SNX19: variants seen among roughly 807,000 people sequenced by gnomAD.
SNX19 encodes the protein sorting nexin-19.
A neutral mutation model predicts 85.2 loss-of-function variants in SNX19; 60 were observed. That is an observed-to-expected ratio of 0.70 (90% CI 0.57 to 0.87). SNX19 has a LOEUF of 0.87. SNX19 is among the 40% of genes least tolerant of loss of function. The pLI is 0.00. For synonymous variants in SNX19, 520 were observed against 470.0 expected (o/e 1.11, Z -1.38); for missense variants, 1,201 against 1,217.8 (o/e 0.99, Z 0.21).
At chr11:130,882,348 G>A (rs1354299970) in intron 8 of SNX19, among the ~76,000 whole-genome samples, 1 of 152,188 alleles carries the variant, frequency 6.6e-6, no homozygotes. Flanking sequence ...CGAGTCACTT[G>A]TCACTCATCC....
rs769905312 is a variant in SNX19, at chr11:130,871,629, C to T, written c.*6793G>A. Among the ~76,000 whole-genome samples, 7 of 152,322 alleles carry T rather than the reference C, an allele frequency of 4.6e-5. No individual in the cohort carries two copies. The highest frequency in any genetic ancestry group is 7.3e-5 in the Non-Finnish European group (5 of 68,034). Reference sequence around the variant, plus strand: ...TCACAAGTCACCAAATCCAGTTCAACACAGTATAAACAAGCCATTGCTTCT... The same window carrying T: ...TCACAAGTCACCAAATCCAGTTCAATACAGTATAAACAAGCCATTGCTTCT... On this transcript the variant is annotated 3_prime_UTR_variant, in exon 11 of 11. Coordinates refer to ENST00000265909, the MANE Select transcript of SNX19 (RefSeq NM_014758.3).
rs550400913 is a variant in SNX19 at position 130,896,928 on chromosome 11, TA to T, written c.2573+6326del. 1.0e-4 allele frequency among the ~76,000 whole-genome samples: 9 copies of T among 89,256 alleles called. No individual in the cohort carries two copies. In the South Asian group the frequency reaches 5.7e-3, roughly 56 times the overall value. 58.6% of individuals were successfully genotyped at this position (89,256 alleles called of 152,430 possible). A position where few individuals can be genotyped will look rare whatever the true frequency, so the allele number is the denominator to read the frequency against. ...CCCACCAAGAAAGAGGCCCTTGAAG[TA>T]GAGTTCCACAGAAAGCGCCTTGATT... On this transcript the variant is annotated intron_variant, in intron 8 of 10. Coordinates refer to ENST00000265909, the MANE Select transcript of SNX19 (RefSeq NM_014758.3).
chr11:130,887,865 TC>T (rs1944198913), intron 8 of SNX19, among the ~76,000 whole-genome samples: 1 of 152,162 alleles, frequency 6.6e-6, no homozygotes, highest in Non-Finnish European at 1.5e-5. Flanking sequence ...CCTGGCTCCA[TC>T]CTCTGGGTGT....
At chr11:130,883,217 A>C (rs1330850628) in intron 8 of SNX19, among the ~76,000 whole-genome samples, 1 of 152,210 alleles carries the variant, frequency 6.6e-6, no homozygotes, top group Non-Finnish European at 1.5e-5. Flanking sequence ...TTGGGGAGAG[A>C]CATAAAAGTA....
intron 10 of SNX19, 146 bp downstream of exon 10, chr11:130,879,478 C>G (rs1943498080): frequency 1.5e-6 from 1 of 653,396 alleles, no homozygotes; most frequent in South Asian, 2.0e-5. Context: ...ATCTGGACGT[C>G]AAACTCTGTA....
rs1250441984 is a variant in SNX19 at position 130,915,170 on chromosome 11, G to C, written c.770C>G (p.Pro257Arg). 1 of 1,614,220 alleles carries C rather than the reference G, an allele frequency of 6.2e-7. No individual in the cohort carries two copies. ...CACGAGTACAAGGTGGATCCAGTCA[G>C]GATCTGACAGCCTGCTGATCAGTGG... ...ILPLISRLSD[P>R]DWIHLVLVGI... is the part of the protein sequence containing the mutation. Residue 257 changes from proline (P) to arginine (R), a missense_variant, in exon 1 of 11, where the codon CCT (proline) becomes CGT (arginine). Transcript: ENST00000265909.
chr11:130,915,509 C>T lies in SNX19; in HGVS notation c.431G>A (p.Arg144Lys). ...AMKGLVQELRRRMSVMDSHAV... is the reference protein window; with the variant it reads ...AMKGLVQELRKRMSVMDSHAV... ...ATGACTGTCCATCACGCTCATCCTTCTCCGAAGCTCCTGGACCAACCCTTT... is the reference window on the plus strand; with the variant it reads ...ATGACTGTCCATCACGCTCATCCTTTTCCGAAGCTCCTGGACCAACCCTTT... Residue 144 changes from arginine (R) to lysine (K), a missense_variant, in exon 1 of 11, where the codon AGA becomes AAA. Physicochemically the swap from Arg to Lys is conservative, Grantham distance 26. This residue lies in a region of SNX19 where 791 missense variants were observed against 750.9 expected (regional missense o/e 1.05). Coordinates refer to ENST00000265909, the MANE Select transcript of SNX19 (RefSeq NM_014758.3). 1.2e-6 allele frequency: 2 copies of T among 1,614,254 alleles called. No homozygotes were observed. The highest frequency in any genetic ancestry group is 1.3e-5 in the African/African-American group (1 of 75,072).
In SNX19 at chr11:130,906,001, C is replaced by T. The variant is rs533594428; in HGVS notation, c.2395G>A (p.Val799Met). The T allele has an allele frequency of 1.4e-5, 23 of 1,614,228 alleles. No individual in the cohort carries two copies. Among genetic ancestry groups the T allele is most frequent in the African/African-American group, 5.3e-5 (4 of 75,064 alleles). ...QPPKGRVDSC[V>M]SDAAVPAQDP... ...TGGGCTGGCACGGCTGCATCTGACA[C>T]GCAACTGTCCACACGTCCTTTGGGA... The change falls in exon 7 of 11, where the codon GTG becomes ATG. Residue 799 changes from valine (V) to methionine (M), a missense_variant. Transcript: ENST00000265909.
Position 130,915,994 on chromosome 11 carries a change from G to A in SNX19, c.-55C>T. The A allele has an allele frequency of 6.7e-7, 1 of 1,495,392 alleles. No homozygotes were observed. The highest frequency in any genetic ancestry group is 9.1e-7 in the Non-Finnish European group (1 of 1,097,304). The allele number at this position is 1,495,392 out of a possible 1,614,324, so 92.6% of individuals were successfully genotyped here. On this transcript the variant is annotated 5_prime_UTR_variant, in exon 1 of 11. Coordinates refer to ENST00000265909, the MANE Select transcript of SNX19 (RefSeq NM_014758.3). Reference sequence around the variant, plus strand: ...TGACAGCCCTCAAGATTTTACTTCAGAGTTAGGGAAGGGGGGCATGAACTG... The same window carrying A: ...TGACAGCCCTCAAGATTTTACTTCAAAGTTAGGGAAGGGGGGCATGAACTG...
intron 8 of SNX19, among the ~76,000 whole-genome samples, chr11:130,890,890 C>CTTTTTTTTTTTTT (rs10678203): frequency 7.0e-6 from 1 of 143,036 alleles, no homozygotes. Context: ...GGATTTGGGT[C>CTTTTTTTTTTTTT]TTTTTTTTTT....
intron 8 of SNX19, among the ~76,000 whole-genome samples, chr11:130,889,515 G>A (rs67649878): frequency 0.15 from 17,899 of 122,698 alleles, 1,168 homozygotes; most frequent in Middle Eastern, 0.25. Flanking sequence ...TGAATGAATC[G>A]ATCCTGTTGC....
At chr11:130,883,871 TCAC>T (rs906702097) in intron 8 of SNX19, among the ~76,000 whole-genome samples, 16 of 152,272 alleles carry the variant, frequency 1.1e-4, no homozygotes, top group Non-Finnish European at 2.1e-4. Flanking sequence ...ACCAAAAAAA[TCAC>T]CACCACAACT....
intron 8 of SNX19, among the ~76,000 whole-genome samples, chr11:130,885,968 T>C (rs1167468144): frequency 6.6e-6 from 1 of 152,214 alleles, no homozygotes; most frequent in Non-Finnish European, 1.5e-5. Context: ...CTGTGCATTA[T>C]AAAACATTCC....
At chr11:130,896,487 T>C (rs1284036016) in intron 8 of SNX19, among the ~76,000 whole-genome samples, 2 of 152,140 alleles carry the variant, frequency 1.3e-5, no homozygotes, top group African/African-American at 2.4e-5. Flanking sequence ...AGAGGCTAGA[T>C]GGGAATACGG....
rs1942849672 is a variant in SNX19 at position 130,868,106 on chromosome 11, C to T, written c.*10316G>A. ...TTAAACAGACACAATCTGGATGAGT[C>T]TCAAAGATAGTAAGAATCACCTGTT... On this transcript the variant is annotated 3_prime_UTR_variant, in exon 11 of 11. Transcript: ENST00000265909. The T allele has an allele frequency of 6.6e-6, 1 of 152,184 alleles. No individual in the cohort carries two copies. Among genetic ancestry groups the T allele is most frequent in the African/African-American group, 2.4e-5 (1 of 41,442 alleles). 9.4% of individuals were successfully genotyped at this position (152,184 alleles called of 1,614,324 possible). A position where few individuals can be genotyped will look rare whatever the true frequency, so the allele number is the denominator to read the frequency against.
rs146030730 is a variant in SNX19, at chr11:130,907,329, G to GACACAC, written c.2166-614_2166-609dup. On this transcript the variant is annotated intron_variant, in intron 5 of 10. Transcript: ENST00000265909. Reference sequence around the variant, plus strand: ...CATGAAACATAAGCACAGAGACAGAGACACACACACATACACACATGCTCT... The same window carrying GACACAC: ...CATGAAACATAAGCACAGAGACAGAGACACACACACACACACATACACACATGCTCT... 2.2e-3 allele frequency among the ~76,000 whole-genome samples: 341 copies of GACACAC among 152,036 alleles called. 1 individual carries two copies. The highest frequency in any genetic ancestry group is 6.5e-3 in the African/African-American group (268 of 41,512).
chr11:130,869,285 T>G lies in SNX19; in HGVS notation c.*9137A>C, dbSNP rs970773848. 2 of 152,234 alleles carry G rather than the reference T, an allele frequency of 1.3e-5. No individual in the cohort carries two copies. Among genetic ancestry groups the G allele is most frequent in the Non-Finnish European group, 2.9e-5 (2 of 68,042 alleles). 9.4% of individuals were successfully genotyped at this position (152,234 alleles called of 1,614,324 possible). The stretch of plus-strand genomic sequence containing the variant: ...AACTCTGTTTAATTACATTTTACGT[T>G]TTAAAAGGAAACTTCTTCATTACAT... On this transcript the variant is annotated 3_prime_UTR_variant, in exon 11 of 11. Transcript: ENST00000265909.
intron 8 of SNX19, among the ~76,000 whole-genome samples, chr11:130,902,149 T>C (rs935022851): frequency 2.0e-5 from 3 of 152,256 alleles, no homozygotes; most frequent in Non-Finnish European, 2.9e-5. Flanking sequence ...CTTGGGCATG[T>C]TAGTTGACTT....
rs117834100 is a variant in SNX19, at chr11:130,914,694, C to A, written c.1246G>T (p.Gly416Cys). 2.3e-3 allele frequency: 3,666 copies of A among 1,613,966 alleles called. 96 individuals are homozygous for A. The East Asian group carries it at 0.063, about 28-fold the overall frequency. ...ESSQALEPKD[G>C]EASEGAEAEE... ...GCCTCTGCTCCTTCAGATGCCTCAC[C>A]ATCTTTGGGTTCCAGAGCCTGGGAA... is the stretch of plus-strand genomic sequence containing the variant. The change falls in exon 1 of 11, where the codon GGT becomes TGT. Residue 416 changes from glycine to cysteine, a missense_variant. Physicochemically the swap from Gly to Cys is radical, Grantham distance 159. Coordinates refer to ENST00000265909, the MANE Select transcript of SNX19 (RefSeq NM_014758.3).
Sources: allele counts gnomAD v4.1 joint callset (sites outside exome capture counted in the v4.1 genomes callset), GRCh38; gene constraint gnomAD v4.1.1; regional missense constraint gnomAD v4.1.1; transcripts MANE v1.5; gene names NCBI Gene and HGNC (gene_info 2026-07-23, HGNC 2026-07-21).